The following SIPA1 variants were observed in gnomAD, a reference collection of about 807,000 sequenced individuals.
The protein encoded by SIPA1 is signal-induced proliferation-associated 1.
SIPA1 carries 51 observed loss-of-function variants against 88.1 expected under a neutral mutation model. The observed-to-expected ratio is 0.58, with a 90% CI of 0.46 to 0.73. The LOEUF (loss-of-function observed/expected upper bound fraction) is 0.73. SIPA1 is among the 30% of genes least tolerant of loss of function. SIPA1 has a pLI of 0.00. For missense variants in SIPA1, 1,348 were observed against 1,467.6 expected, an observed-to-expected ratio of 0.92 and a Z score of 1.33; for synonymous variants, 681 against 664.8, an observed-to-expected ratio of 1.02 and a Z score of -0.37.
rs769091694 is a variant in SIPA1, at chr11:65,649,582, A to G, written c.2547A>G (p.Pro849=). 6 of 1,614,044 alleles carry G rather than the reference A, an allele frequency of 3.7e-6. No homozygotes were observed. In the Admixed American group the frequency reaches 6.7e-5, roughly 18 times the overall value. The change falls in exon 11 of 16, where the codon CCA becomes CCG. Residue 849 remains proline, a synonymous_variant. Coordinates refer to ENST00000534313, the MANE Select transcript of SIPA1 (RefSeq NM_006747.4). The part of the protein sequence containing the change: ...SPRSSLSDEA[P]VLPNTTPDLL... ...CCAGCTCTCTGTCGGATGAGGCCCC[A>G]GTCCTGCCCAACACCACCCCGGACC...
rs373444027 is a variant in SIPA1 at position 65,647,072 on chromosome 11, T to C, written c.2031+7T>C. 6 of 1,524,092 alleles carry C rather than the reference T, an allele frequency of 3.9e-6. No individual in the cohort carries two copies. The highest frequency in any genetic ancestry group is 5.3e-6 in the Non-Finnish European group (6 of 1,141,768). The allele number at this position is 1,524,092 out of a possible 1,614,324, so 94.4% of individuals were successfully genotyped here. A position where few individuals can be genotyped will look rare whatever the true frequency, so the allele number is the denominator to read the frequency against. ...GGTGGTGGCGCGCCTGCAGGTGAGC[T>C]GGAGTGGTAAACTGGGGCCCCTGCG... On this transcript the variant is annotated splice_region_variant and intron_variant, in intron 8 of 15. Coordinates refer to ENST00000534313, the MANE Select transcript of SIPA1 (RefSeq NM_006747.4).
At position 65,647,375 on chromosome 11, in the gene SIPA1, C is replaced by T; in HGVS notation, c.2032-9C>T. On this transcript the variant is annotated splice_polypyrimidine_tract_variant and intron_variant, in intron 8 of 15. Transcript: ENST00000534313. ...GCAGCCCCGCCCACTCGTCCCGCCCCGTCCGCAGCTGGTGAGCCGTGGCTG... is the reference window on the plus strand; with the variant it reads ...GCAGCCCCGCCCACTCGTCCCGCCCTGTCCGCAGCTGGTGAGCCGTGGCTG... The T allele has an allele frequency of 2.1e-6, 3 of 1,418,692 alleles. No homozygotes were observed. Among genetic ancestry groups the T allele is most frequent in the Non-Finnish European group, 2.7e-6 (3 of 1,095,536 alleles). The allele number at this position is 1,418,692 out of a possible 1,614,324, so 87.9% of individuals were successfully genotyped here.
Position 65,644,392 on chromosome 11 carries a change from T to C in SIPA1, c.985-563T>C, listed in dbSNP as rs1233255284. ...CCACATCTGGGGACCATATGGGGAG[T>C]GGGGGGTGCAGGGGGTTGGGAGGAA... On this transcript the variant is annotated intron_variant, in intron 4 of 15. Transcript: ENST00000534313. Among the ~76,000 whole-genome samples, 13 of 131,308 alleles carry C rather than the reference T, an allele frequency of 9.9e-5. No individual in the cohort carries two copies. The Admixed American group carries it at 1.0e-3, about 10-fold the overall frequency. The allele number at this position is 131,308 out of a possible 152,430, so 86.1% of individuals were successfully genotyped here.
Position 65,646,289 on chromosome 11 carries a change from C to T in SIPA1, c.1332C>T (p.Pro444=), listed in dbSNP as rs1856111690. Residue 444 remains proline (P), a synonymous_variant, in exon 7 of 16, where the codon CCC becomes CCT. Coordinates refer to ENST00000534313, the MANE Select transcript of SIPA1 (RefSeq NM_006747.4). This position sits in a 1 kb window ranked among gnomAD's most constrained non-coding sequence, Gnocchi z 7.5. ...TIVFQEPGSK[P]FCPTTIRSHF... ...TGTTCCAGGAGCCTGGCAGCAAGCCCTTCTGCCCCACCACCATCCGCTCGC... is the reference window on the plus strand; with the variant it reads ...TGTTCCAGGAGCCTGGCAGCAAGCCTTTCTGCCCCACCACCATCCGCTCGC... The T allele has an allele frequency of 1.9e-6, 3 of 1,614,138 alleles. No individual in the cohort carries two copies. The highest frequency in any genetic ancestry group is 2.5e-6 in the Non-Finnish European group (3 of 1,180,000).
At chr11:65,650,096 C>A (rs1239996064) in intron 13 of SIPA1, 42 bp from the exon 14 acceptor site, 4 of 1,612,964 alleles carry the variant, frequency 2.5e-6, no homozygotes, top group Non-Finnish European at 2.5e-6. Flanking sequence ...AGTGCTCTTG[C>A]CCCCTTTCTG....
chr11:65,642,933 T>G lies in SIPA1; in HGVS notation c.984+294T>G, dbSNP rs144527644. 4.3e-5 allele frequency among the ~76,000 whole-genome samples: 2 copies of G among 46,078 alleles called. No individual in the cohort carries two copies. Among genetic ancestry groups the G allele is most frequent in the East Asian group, 1.8e-3 (2 of 1,098 alleles). 30.2% of individuals were successfully genotyped at this position (46,078 alleles called of 152,430 possible). A position where few individuals can be genotyped will look rare whatever the true frequency, so the allele number is the denominator to read the frequency against. ...TATTTATTTATTTATTTATTTATTT[T>G]GAGATGGAGTCTCGCTCTGTCACCC... On this transcript the variant is annotated intron_variant, in intron 4 of 15. Transcript: ENST00000534313. The surrounding 1 kb of genome is among the most constrained non-coding windows in gnomAD (Gnocchi z 6.5).
rs146723671 is a variant in SIPA1 at position 65,649,599 on chromosome 11, C to T, written c.2564C>T (p.Thr855Ile). The T allele has an allele frequency of 4.8e-5, 78 of 1,614,018 alleles. No individual in the cohort carries two copies. Among genetic ancestry groups the T allele is most frequent in the Non-Finnish European group, 6.5e-5 (77 of 1,180,042 alleles). ...GAGGCCCCAGTCCTGCCCAACACCACCCCGGACCTCCTCCTGGCCACCACA... is the reference window on the plus strand; with the variant it reads ...GAGGCCCCAGTCCTGCCCAACACCATCCCGGACCTCCTCCTGGCCACCACA... ...SDEAPVLPNT[T>I]PDLLLATTAK... The change falls in exon 11 of 16, where the codon ACC becomes ATC. Residue 855 changes from threonine (T) to isoleucine (I), a missense_variant. Around this residue, in one of 4 missense-constraint regions of SIPA1, gnomAD observed 615 missense variants for 559.8 expected, o/e 1.10. Coordinates refer to ENST00000534313, the MANE Select transcript of SIPA1 (RefSeq NM_006747.4).
chr11:65,646,953 G>C lies in SIPA1; in HGVS notation c.1919G>C (p.Trp640Ser). The C allele has an allele frequency of 6.5e-7, 1 of 1,538,776 alleles. No individual in the cohort carries two copies. Residue 640 changes from tryptophan (W) to serine (S), a missense_variant, in exon 8 of 16, where the codon TGG becomes TCG. By Grantham distance (177) the Trp-to-Ser change is radical. Around this residue, in one of 4 missense-constraint regions of SIPA1, gnomAD observed 615 missense variants for 559.8 expected, o/e 1.10. Transcript: ENST00000534313. This position sits in a 1 kb window ranked among gnomAD's most constrained non-coding sequence, Gnocchi z 7.5. ...TGCGCCTGTCGCGACGTGCTGGCCTGGACCTTCTCCGAGCAGCAGCTGGAC... is the reference window on the plus strand; with the variant it reads ...TGCGCCTGTCGCGACGTGCTGGCCTCGACCTTCTCCGAGCAGCAGCTGGAC... ...FNCACRDVLA[W>S]TFSEQQLDLY... is the part of the protein sequence containing the mutation.
At position 65,646,840 on chromosome 11, in the gene SIPA1, C is replaced by G. The variant is rs1856130478; in HGVS notation, c.1806C>G (p.Pro602=). ...CCGCCGGGGCTCAGGCGAGCGGCCC[C>G]GAAGGCATCGAGGTGCCCTGCCTGC... ...RVAAGAQASG[P]EGIEVPCLLG... The change falls in exon 8 of 16, where the codon CCC becomes CCG. Residue 602 remains proline (P), a synonymous_variant. Coordinates refer to ENST00000534313, the MANE Select transcript of SIPA1 (RefSeq NM_006747.4). This position sits in a 1 kb window ranked among gnomAD's most constrained non-coding sequence, Gnocchi z 7.5. The G allele has an allele frequency of 3.5e-6, 5 of 1,424,270 alleles. No individual in the cohort carries two copies. The highest frequency in any genetic ancestry group is 1.5e-5 in the African/African-American group (1 of 66,850). The allele number at this position is 1,424,270 out of a possible 1,614,324, so 88.2% of individuals were successfully genotyped here. A position where few individuals can be genotyped will look rare whatever the true frequency, so the allele number is the denominator to read the frequency against.
Position 65,642,476 on chromosome 11 carries a change from G to A in SIPA1, c.821G>A (p.Arg274His), listed in dbSNP as rs771429539. The change falls in exon 4 of 16, where the codon CGT becomes CAT. Residue 274 changes from arginine (R) to histidine (H), a missense_variant. Arg to His is a conservative substitution (Grantham distance 29). This residue lies in a region of SIPA1 where 641 missense variants were observed against 797.7 expected (regional missense o/e 0.80). Coordinates refer to ENST00000534313, the MANE Select transcript of SIPA1 (RefSeq NM_006747.4). This position sits in a 1 kb window ranked among gnomAD's most constrained non-coding sequence, Gnocchi z 6.5. ...IVRTTQLRTL[R>H]GTISEDALPP... Reference sequence around the variant, plus strand: ...CCCCTTCCTCAGCTCCGGACACTCCGTGGCACCATCTCGGAGGACGCGCTG... The same window carrying A: ...CCCCTTCCTCAGCTCCGGACACTCCATGGCACCATCTCGGAGGACGCGCTG... 6.2e-7 allele frequency: 1 copy of A among 1,611,680 alleles called. No homozygotes were observed.
chr11:65,641,630 G>A (rs1313781965), intron 2 of SIPA1, 30 bp downstream of exon 2: 2 of 1,565,928 alleles, frequency 1.3e-6, no homozygotes, highest in African/African-American at 2.7e-5. Context: ...GGGAGTGGAG[G>A]AGGGGGGCTG....
In SIPA1 at chr11:65,640,818, C is replaced by T; in HGVS notation, c.-91-13C>T. 1 of 1,073,332 alleles carries T rather than the reference C, an allele frequency of 9.3e-7. No homozygotes were observed. The highest frequency in any genetic ancestry group is 1.3e-6 in the Non-Finnish European group (1 of 780,882). The allele number at this position is 1,073,332 out of a possible 1,614,324, so 66.5% of individuals were successfully genotyped here. On this transcript the variant is annotated splice_polypyrimidine_tract_variant and intron_variant, in intron 1 of 15. Transcript: ENST00000534313. ...CTGCCCAGGCCCCTCTGAGCAGCCCCCTCCTCCTTCAGGGCAGGAACTGCT... is the reference window on the plus strand; with the variant it reads ...CTGCCCAGGCCCCTCTGAGCAGCCCTCTCCTCCTTCAGGGCAGGAACTGCT...
chr11:65,646,031 G>A lies in SIPA1; in HGVS notation c.1263+74G>A. 1 of 1,335,908 alleles carries A rather than the reference G, an allele frequency of 7.5e-7. No homozygotes were observed. The highest frequency in any genetic ancestry group is 1.0e-6 in the Non-Finnish European group (1 of 953,536). 82.8% of individuals were successfully genotyped at this position (1,335,908 alleles called of 1,614,324 possible). A position where few individuals can be genotyped will look rare whatever the true frequency, so the allele number is the denominator to read the frequency against. ...GCCCTGCATGGCCCATGACGTTTGA[G>A]CTTTGGCCGGAGCTCTGTTGGCCCC... On this transcript the variant is annotated intron_variant, in intron 6 of 15. Coordinates refer to ENST00000534313, the MANE Select transcript of SIPA1 (RefSeq NM_006747.4). This position sits in a 1 kb window ranked among gnomAD's most constrained non-coding sequence, Gnocchi z 7.5.
Position 65,645,875 on chromosome 11 carries a change from C to T in SIPA1, c.1181C>T (p.Ser394Phe). 6.2e-7 allele frequency: 1 copy of T among 1,610,370 alleles called. No homozygotes were observed. The highest frequency in any genetic ancestry group is 1.7e-4 in the Middle Eastern group (1 of 6,052). ...ACAGCGGATTCCACAGGCACGCACT[C>T]CCTCTACACCACATACCAGGACCAC... ...DTKTDSTGTH[S>F]LYTTYQDHEI... is the part of the protein sequence containing the mutation. Residue 394 changes from serine to phenylalanine, a missense_variant, in exon 6 of 16, where the codon TCC becomes TTC. By Grantham distance (155) the Ser-to-Phe change is radical. Around this residue, in one of 4 missense-constraint regions of SIPA1, gnomAD observed 641 missense variants for 797.7 expected, o/e 0.80. Transcript: ENST00000534313.
Position 65,642,762 on chromosome 11 carries a change from T to G in SIPA1, c.984+123T>G. On this transcript the variant is annotated intron_variant, in intron 4 of 15. Transcript: ENST00000534313. This position sits in a 1 kb window ranked among gnomAD's most constrained non-coding sequence, Gnocchi z 6.5. The stretch of plus-strand genomic sequence containing the variant: ...GGCTGGGTGGTGACCCCAGAAGAGC[T>G]GGCTTTTCAGAGACAGGGCATCAGA... 1 of 951,642 alleles carries G rather than the reference T, an allele frequency of 1.1e-6. No individual in the cohort carries two copies. Among genetic ancestry groups the G allele is most frequent in the East Asian group, 2.9e-5 (1 of 34,894 alleles). 58.9% of individuals were successfully genotyped at this position (951,642 alleles called of 1,614,324 possible). A position where few individuals can be genotyped will look rare whatever the true frequency, so the allele number is the denominator to read the frequency against.
In SIPA1 at chr11:65,646,139, G is replaced by T; in HGVS notation, c.1264-82G>T. The T allele has an allele frequency of 6.6e-7, 1 of 1,519,046 alleles. No homozygotes were observed. The highest frequency in any genetic ancestry group is 1.4e-5 in the African/African-American group (1 of 73,374). The allele number at this position is 1,519,046 out of a possible 1,614,324, so 94.1% of individuals were successfully genotyped here. On this transcript the variant is annotated intron_variant, in intron 6 of 15. Transcript: ENST00000534313. The surrounding 1 kb of genome is among the most constrained non-coding windows in gnomAD (Gnocchi z 7.5). ...CAGGGGCAGTGGGGGAGCCATTGGTGCCTTGGCTTTCTCCTGCCTGAATGA... is the reference window on the plus strand; with the variant it reads ...CAGGGGCAGTGGGGGAGCCATTGGTTCCTTGGCTTTCTCCTGCCTGAATGA...
intron 9 of SIPA1, among the ~76,000 whole-genome samples, chr11:65,648,989 C>T (rs1472816600): frequency 1.3e-5 from 2 of 152,204 alleles, no homozygotes; most frequent in East Asian, 1.9e-4. Flanking sequence ...TAAATCCTCA[C>T]AGCACACTAT....
Position 65,646,979 on chromosome 11 carries a change from C to T in SIPA1, c.1945C>T (p.Leu649=). The T allele has an allele frequency of 6.5e-7, 1 of 1,540,376 alleles. No individual in the cohort carries two copies. Among genetic ancestry groups the T allele is most frequent in the Non-Finnish European group, 8.7e-7 (1 of 1,148,770 alleles). ...AWTFSEQQLD[L]YHGRGEAITL... ...GACCTTCTCCGAGCAGCAGCTGGAC[C>T]TGTACCACGGCCGCGGGGAGGCGAT... The change falls in exon 8 of 16, where the codon CTG becomes TTG. Residue 649 remains leucine (L), a synonymous_variant. Coordinates refer to ENST00000534313, the MANE Select transcript of SIPA1 (RefSeq NM_006747.4). This position sits in a 1 kb window ranked among gnomAD's most constrained non-coding sequence, Gnocchi z 7.5.
rs1856159003 is a variant in SIPA1 at position 65,647,668 on chromosome 11, C to T, written c.2306+10C>T. On this transcript the variant is annotated intron_variant, in intron 9 of 15. Transcript: ENST00000534313. ...GCGGCCGGCCCCGCAGGTCAGGGTG[C>T]CGGGGACGCGGGGAGGTGGGAGGGC... 1.5e-6 allele frequency: 2 copies of T among 1,344,038 alleles called. No individual in the cohort carries two copies. Among genetic ancestry groups the T allele is most frequent in the Non-Finnish European group, 1.9e-6 (2 of 1,051,258 alleles). The allele number at this position is 1,344,038 out of a possible 1,614,324, so 83.3% of individuals were successfully genotyped here. A position where few individuals can be genotyped will look rare whatever the true frequency, so the allele number is the denominator to read the frequency against.
Sources: allele counts gnomAD v4.1 joint callset (sites outside exome capture counted in the v4.1 genomes callset), GRCh38; gene constraint gnomAD v4.1.1; regional missense constraint gnomAD v4.1.1; non-coding constraint Gnocchi (gnomAD v3.1); transcripts MANE v1.5; gene names NCBI Gene and HGNC (gene_info 2026-07-23, HGNC 2026-07-21).